IL1RAPL1: variants seen among roughly 807,000 people sequenced by gnomAD.
IL1RAPL1 encodes the protein interleukin-1 receptor accessory protein-like 1.
IL1RAPL1 carries 3 observed loss-of-function variants against 48.4 expected under a neutral mutation model. The ratio of observed to expected loss-of-function variants is 0.06; its 90% CI spans 0.03 to 0.16. The LOEUF (loss-of-function observed/expected upper bound fraction) is 0.16, where lower values mean the gene tolerates loss of function less well. Ranked by LOEUF, IL1RAPL1 falls within the 10% of genes least tolerant of loss-of-function variation. The pLI, the probability that IL1RAPL1 is intolerant of heterozygous loss-of-function variation, is 1.00. For missense variants in IL1RAPL1, 349 were observed against 530.6 expected (o/e 0.66, Z 3.36); for synonymous variants, 185 against 187.7 (o/e 0.99, Z 0.12).
intron 2 of IL1RAPL1, among the ~76,000 whole-genome samples, chrX:29,238,734 C>T (rs1444088325): frequency 8.9e-6 from 1 of 111,979 alleles, no homozygotes; most frequent in Non-Finnish European, 1.9e-5. Flanking sequence ...GTTATATATT[C>T]AGTGACTTAC....
chrX:28,786,073 C>G (rs1181620182), intron 1 of IL1RAPL1, among the ~76,000 whole-genome samples: 1 of 111,544 alleles, frequency 9.0e-6, no homozygotes, highest in African/African-American at 3.3e-5. Context: ...AAGTAGAAAA[C>G]TGGGATACAC....
chrX:29,195,423 T>G (rs1930423335), intron 2 of IL1RAPL1, among the ~76,000 whole-genome samples: 1 of 111,562 alleles, frequency 9.0e-6, no homozygotes, highest in South Asian at 3.8e-4. Context: ...GGAAGTGGCT[T>G]TTGTTTTAGG....
chrX:28,737,213 T>TTC (rs1935850364), intron 1 of IL1RAPL1, among the ~76,000 whole-genome samples: 3 of 54,570 alleles, frequency 5.5e-5, no homozygotes, highest in African/African-American at 1.9e-4. Flanking sequence ...TTCTCTTTCT[T>TTC]TCTTTCTTTC....
intron 5 of IL1RAPL1, among the ~76,000 whole-genome samples, chrX:29,469,611 C>G (rs1170979599): frequency 9.0e-6 from 1 of 111,580 alleles, no homozygotes; most frequent in Non-Finnish European, 1.9e-5. Context: ...CAATATATCT[C>G]TTAGTGGATG....
intron 2 of IL1RAPL1, among the ~76,000 whole-genome samples, chrX:29,032,065 G>A (rs946345369): frequency 1.8e-5 from 2 of 111,409 alleles, no homozygotes; most frequent in Non-Finnish European, 3.8e-5. Context: ...ATAGTAACTG[G>A]CAGATTGTAG....
rs747203292 is a variant in IL1RAPL1, at chrX:29,399,280, G to A, written c.675G>A (p.Val225=). Residue 225 remains valine (V), a synonymous_variant, in exon 5 of 11, where the codon GTG becomes GTA. Transcript: ENST00000378993. ...AATTAAAATATGGAGGCTTTGTTGT[G>A]AGAAGAACTACTGAATTAACTGTTA... ...TCELKYGGFV[V]RRTTELTVTA... is the part of the protein sequence containing the mutation. The A allele has an allele frequency of 5.0e-6, 6 of 1,203,880 alleles. No homozygotes were observed. The highest frequency in any genetic ancestry group is 2.3e-4 in the Middle Eastern group (1 of 4,355).
At chrX:29,496,045 G>C (rs1274741668) in intron 5 of IL1RAPL1, among the ~76,000 whole-genome samples, 1 of 111,322 alleles carries the variant, frequency 9.0e-6, no homozygotes, top group East Asian at 2.8e-4. Flanking sequence ...TCATACTGCA[G>C]CTATGACCAT....
chrX:29,599,963 C>G (rs1354293408), intron 5 of IL1RAPL1, among the ~76,000 whole-genome samples: 1 of 112,131 alleles, frequency 8.9e-6, no homozygotes, highest in Non-Finnish European at 1.9e-5. Flanking sequence ...TCACCTTTCT[C>G]TGGTGCATCC....
intron 5 of IL1RAPL1, among the ~76,000 whole-genome samples, chrX:29,588,738 G>C (rs992928540): frequency 2.7e-5 from 3 of 111,897 alleles, no homozygotes; most frequent in Admixed American, 1.9e-4. Context: ...TAAGTGCCTG[G>C]GGATCATCTA....
At chrX:29,608,095 C>T in intron 5 of IL1RAPL1, among the ~76,000 whole-genome samples, 1 of 112,401 alleles carries the variant, frequency 8.9e-6, no homozygotes, top group African/African-American at 3.2e-5. Context: ...ACTCGTGCAT[C>T]AGATGGAGGC....
At chrX:28,706,261 G>T (rs1360681114) in intron 1 of IL1RAPL1, among the ~76,000 whole-genome samples, 2 of 112,106 alleles carry the variant, frequency 1.8e-5, no homozygotes, top group Non-Finnish European at 3.8e-5. Flanking sequence ...TGCTATGCAG[G>T]TTTGTAGCAT....
intron 2 of IL1RAPL1, among the ~76,000 whole-genome samples, chrX:28,823,805 A>G (rs912734965): frequency 9.0e-6 from 1 of 111,327 alleles, no homozygotes; most frequent in Non-Finnish European, 1.9e-5. Flanking sequence ...TGCCTCCCTG[A>G]TCACATTGGG....
At chrX:28,650,672 A>G (rs1366820861) in intron 1 of IL1RAPL1, among the ~76,000 whole-genome samples, 1 of 111,819 alleles carries the variant, frequency 8.9e-6, no homozygotes, top group Non-Finnish European at 1.9e-5. Flanking sequence ...AGTCAATGCA[A>G]TCTTGCTCTT....
intron 1 of IL1RAPL1, among the ~76,000 whole-genome samples, chrX:28,649,514 T>G (rs1424958287): frequency 8.9e-6 from 1 of 112,866 alleles, no homozygotes; most frequent in Non-Finnish European, 1.9e-5. Flanking sequence ...TCCTTTAATC[T>G]GCCAATGTGC....
At chrX:28,618,936 C>T (rs187126541) in intron 1 of IL1RAPL1, among the ~76,000 whole-genome samples, 3 of 111,452 alleles carry the variant, frequency 2.7e-5, no homozygotes, top group Non-Finnish European at 5.6e-5. Flanking sequence ...ATCCTGCTGG[C>T]TGCACCTTCT....
intron 6 of IL1RAPL1, among the ~76,000 whole-genome samples, chrX:29,774,913 CT>C (rs1481588610): frequency 2.7e-5 from 3 of 112,387 alleles, no homozygotes; most frequent in African/African-American, 6.5e-5. Flanking sequence ...TTTAAGCATA[CT>C]TTTCCTTGTT....
intron 5 of IL1RAPL1, among the ~76,000 whole-genome samples, chrX:29,510,537 A>T (rs928137629): frequency 1.8e-5 from 2 of 112,071 alleles, no homozygotes; most frequent in Non-Finnish European, 3.8e-5. Flanking sequence ...ATACTTGCAT[A>T]GCCTCCCTCC....
intron 1 of IL1RAPL1, among the ~76,000 whole-genome samples, chrX:28,713,075 A>C (rs776718014): frequency 2.6e-3 from 287 of 110,054 alleles, no homozygotes; most frequent in Non-Finnish European, 4.7e-3. Flanking sequence ...TTTTTCTGAG[A>C]CAGAGTCTCA....
At chrX:29,910,733 AT>A (rs1932750680) in intron 6 of IL1RAPL1, among the ~76,000 whole-genome samples, 1 of 111,607 alleles carries the variant, frequency 9.0e-6, no homozygotes, top group African/African-American at 3.3e-5. Flanking sequence ...TGTTTTCATA[AT>A]TTTGAACAGT....
Sources: allele counts gnomAD v4.1 joint callset (sites outside exome capture counted in the v4.1 genomes callset), GRCh38; gene constraint gnomAD v4.1.1; transcripts MANE v1.5; gene names NCBI Gene and HGNC (gene_info 2026-07-23, HGNC 2026-07-21).